PLCXD3: variants seen among roughly 807,000 people sequenced by gnomAD.
PLCXD3 encodes PI-PLC X domain-containing protein 3.
In PLCXD3, 19 loss-of-function variants were observed where a neutral mutation model predicts 25.5. The ratio of observed to expected loss-of-function variants is 0.75; its 90% CI spans 0.52 to 1.09. PLCXD3 has a LOEUF of 1.09. Among genes scored for constraint, PLCXD3 ranks in the 50% least tolerant of loss-of-function variants. PLCXD3 has a pLI of 0.00. For missense variants in PLCXD3, 411 were observed against 388.1 expected (o/e 1.06, Z -0.50); for synonymous variants, 174 against 137.6 (o/e 1.26, Z -1.85).
intron 1 of PLCXD3, among the ~76,000 whole-genome samples, chr5:41,387,513 T>G (rs77840131): frequency 0.11 from 16,542 of 152,168 alleles, 1,084 homozygotes; most frequent in Admixed American, 0.17. Flanking sequence ...GAGAAAATTA[T>G]TGCAAGTATT....
At chr5:41,465,501 G>A (rs1301001991) in intron 1 of PLCXD3, among the ~76,000 whole-genome samples, 4 of 151,252 alleles carry the variant, frequency 2.6e-5, no homozygotes, top group Admixed American at 6.6e-5. Flanking sequence ...GCAGATGGAA[G>A]ATAATTCAGC....
rs1743146821 is a variant in PLCXD3 at position 41,312,079 on chromosome 5, TA to T, written c.*1537del. On this transcript the variant is annotated 3_prime_UTR_variant, in exon 3 of 3. Coordinates refer to ENST00000377801, the MANE Select transcript of PLCXD3 (RefSeq NM_001005473.3). ...TCCTGTGAAGTACATAGGCAAGGAT[TA>T]TTGTGCTCTAAGTTTTTTTTTTTTA... 1 of 151,094 alleles carries T rather than the reference TA, an allele frequency of 6.6e-6. No individual in the cohort carries two copies. The highest frequency in any genetic ancestry group is 2.5e-5 in the African/African-American group (1 of 40,348). The allele number at this position is 151,094 out of a possible 1,614,324, so 9.4% of individuals were successfully genotyped here.
chr5:41,466,942 TTATC>T (rs1387445534), intron 1 of PLCXD3, among the ~76,000 whole-genome samples: 4 of 152,182 alleles, frequency 2.6e-5, no homozygotes, highest in African/African-American at 9.6e-5. Context: ...CACATTTTCT[TTATC>T]TATTCATACA....
intron 1 of PLCXD3, among the ~76,000 whole-genome samples, chr5:41,405,990 C>G (rs1173722648): frequency 6.6e-6 from 1 of 152,094 alleles, no homozygotes; most frequent in Non-Finnish European, 1.5e-5. Flanking sequence ...AGTCTCAGCA[C>G]AAAGCTTGGT....
rs148334201 is a variant in PLCXD3 at position 41,492,689 on chromosome 5, C to T, written c.103+17735G>A. On this transcript the variant is annotated intron_variant, in intron 1 of 2. Transcript: ENST00000377801. ...TTCTCGCTTCATTTCATTCATCTTC[C>T]GTCACTGATACCCTTTCTTCCAGTT... 5.6e-4 allele frequency among the ~76,000 whole-genome samples: 85 copies of T among 152,008 alleles called. 2 individuals carry two copies. Among genetic ancestry groups the T allele is most frequent in the African/African-American group, 2.0e-3 (82 of 41,512 alleles).
chr5:41,428,513 G>T (rs1302989637), intron 1 of PLCXD3, among the ~76,000 whole-genome samples: 3 of 151,812 alleles, frequency 2.0e-5, no homozygotes, highest in Non-Finnish European at 1.5e-5. Flanking sequence ...ACACAGAGAG[G>T]TCTGCAAACC....
At chr5:41,336,416 A>C (rs775677533) in intron 2 of PLCXD3, among the ~76,000 whole-genome samples, 1 of 152,172 alleles carries the variant, frequency 6.6e-6, no homozygotes, top group Non-Finnish European at 1.5e-5. Context: ...TTGTTACTCC[A>C]TTATTAGTGT....
intron 1 of PLCXD3, among the ~76,000 whole-genome samples, chr5:41,461,598 T>G (rs989261702): frequency 6.6e-6 from 1 of 152,036 alleles, no homozygotes; most frequent in Non-Finnish European, 1.5e-5. Flanking sequence ...CATTTAGCCT[T>G]GTTTTTACAG....
intron 1 of PLCXD3, among the ~76,000 whole-genome samples, chr5:41,473,090 T>TA (rs1748201469): frequency 6.6e-6 from 1 of 152,082 alleles, no homozygotes; most frequent in Non-Finnish European, 1.5e-5. Flanking sequence ...TTTTATTGCC[T>TA]AAAAAAATCT....
intron 1 of PLCXD3, among the ~76,000 whole-genome samples, chr5:41,431,435 T>C (rs941189754): frequency 1.3e-5 from 2 of 152,228 alleles, no homozygotes; most frequent in African/African-American, 4.8e-5. Flanking sequence ...ACTTTTGTGT[T>C]AGGTTACAGA....
At position 41,323,347 on chromosome 5, in the gene PLCXD3, A is replaced by T. The variant is rs1294492466; in HGVS notation, c.813-9577T>A. Reference sequence around the variant, plus strand: ...AGAGTCAATAATAACTATACATTTTAAAATAACTTAAAAAGTGTAATTGGA... The same window carrying T: ...AGAGTCAATAATAACTATACATTTTTAAATAACTTAAAAAGTGTAATTGGA... On this transcript the variant is annotated intron_variant, in intron 2 of 2. Coordinates refer to ENST00000377801, the MANE Select transcript of PLCXD3 (RefSeq NM_001005473.3). Among the ~76,000 whole-genome samples the T allele has an allele frequency of 5.3e-5, 8 of 152,322 alleles. No homozygotes were observed. In the South Asian group the frequency reaches 1.7e-3, roughly 32 times the overall value.
Position 41,411,877 on chromosome 5 carries a change from TATATATGTATCCATATATATATCTCC to T in PLCXD3, c.104-29369_104-29344del, listed in dbSNP as rs1561265642. Among the ~76,000 whole-genome samples, 20 of 5,988 alleles carry T rather than the reference TATATATGTATCCATATATATATCTCC, an allele frequency of 3.3e-3. 1 individual carries two copies. The highest frequency in any genetic ancestry group is 9.5e-3 in the African/African-American group (14 of 1,470). The allele number at this position is 5,988 out of a possible 152,430, so 3.9% of individuals were successfully genotyped here. A position where few individuals can be genotyped will look rare whatever the true frequency, so the allele number is the denominator to read the frequency against. ...ATATGTATCCATATATATATCTCCA[TATATATGTATCCATATATATATCTCC>T]ATATATATGTATCCATATATATATC... On this transcript the variant is annotated intron_variant, in intron 1 of 2. Transcript: ENST00000377801.
rs1745663729 is a variant in PLCXD3, at chr5:41,387,194, G to T, written c.104-4660C>A. On this transcript the variant is annotated intron_variant, in intron 1 of 2. Transcript: ENST00000377801. ...TGACTAAGTAGCCTCTAGGAGCTGA[G>T]GTCTGAGCTCCTACAACTCAAGAAA... Among the ~76,000 whole-genome samples, 4 of 152,038 alleles carry T rather than the reference G, an allele frequency of 2.6e-5. No homozygotes were observed. The South Asian group carries it at 8.3e-4, about 32-fold the overall frequency.
intron 2 of PLCXD3, among the ~76,000 whole-genome samples, chr5:41,315,521 C>G (rs934574979): frequency 6.6e-6 from 1 of 152,092 alleles, no homozygotes; most frequent in Non-Finnish European, 1.5e-5. Flanking sequence ...CCTGCAAGGT[C>G]ATCGTCCTTC....
At chr5:41,477,516 G>T (rs868200035) in intron 1 of PLCXD3, among the ~76,000 whole-genome samples, 1 of 152,032 alleles carries the variant, frequency 6.6e-6, no homozygotes, top group Non-Finnish European at 1.5e-5. Context: ...TCCATTTAAA[G>T]AGTACATCAA....
Position 41,311,042 on chromosome 5 carries a change from T to C in PLCXD3, c.*2575A>G, listed in dbSNP as rs1004663701. On this transcript the variant is annotated 3_prime_UTR_variant, in exon 3 of 3. Transcript: ENST00000377801. ...GAGAAAGTATCTAGGTTCAAGAAAA[T>C]ACAACATAGTTACCTCTATATTTTA... 2 of 152,162 alleles carry C rather than the reference T, an allele frequency of 1.3e-5. No homozygotes were observed. The highest frequency in any genetic ancestry group is 4.8e-5 in the African/African-American group (2 of 41,450). The allele number at this position is 152,162 out of a possible 1,614,324, so 9.4% of individuals were successfully genotyped here. A position where few individuals can be genotyped will look rare whatever the true frequency, so the allele number is the denominator to read the frequency against.
At chr5:41,435,704 G>A (rs781608939) in intron 1 of PLCXD3, among the ~76,000 whole-genome samples, 10 of 152,176 alleles carry the variant, frequency 6.6e-5, no homozygotes, top group Non-Finnish European at 1.2e-4. Flanking sequence ...AACCTAATAG[G>A]CATTCCTTGG....
chr5:41,474,003 A>G (rs1245866947), intron 1 of PLCXD3, among the ~76,000 whole-genome samples: 2 of 152,200 alleles, frequency 1.3e-5, no homozygotes, highest in African/African-American at 2.4e-5. Flanking sequence ...TCACTACAAC[A>G]GTTACTACTT....
At chr5:41,350,284 G>T (rs952674018) in intron 2 of PLCXD3, among the ~76,000 whole-genome samples, 1 of 152,104 alleles carries the variant, frequency 6.6e-6, no homozygotes, top group Non-Finnish European at 1.5e-5. Context: ...ACAGCATAGA[G>T]GTCCTCAGAG....
Sources: allele counts gnomAD v4.1 joint callset (sites outside exome capture counted in the v4.1 genomes callset), GRCh38; gene constraint gnomAD v4.1.1; transcripts MANE v1.5; gene names NCBI Gene and HGNC (gene_info 2026-07-23, HGNC 2026-07-21).